The following BIRC6 variants were observed in gnomAD, a reference collection of about 807,000 sequenced individuals.
BIRC6 encodes baculoviral IAP repeat containing 6, also known as dual E2 ubiquitin-conjugating enzyme/E3 ubiquitin-protein ligase BIRC6.
Under a neutral mutation model 503.3 loss-of-function variants are expected in BIRC6, and 98 were observed. The observed-to-expected ratio is 0.19, with a 90% CI of 0.17 to 0.23. The LOEUF is 0.23. Among genes scored for constraint, BIRC6 ranks in the 10% least tolerant of loss-of-function variants. The pLI is 1.00. For missense variants in BIRC6, 5,360 were observed against 5,806.0 expected, an observed-to-expected ratio of 0.92 and a Z score of 2.50; for synonymous variants, 2,240 against 2,078.7, an observed-to-expected ratio of 1.08 and a Z score of -2.11.
chr2:32,485,357 G>T (rs978112044), intron 39 of BIRC6, among the ~76,000 whole-genome samples: 1 of 152,128 alleles, frequency 6.6e-6, no homozygotes, highest in Non-Finnish European at 1.5e-5. Context: ...ACTTTATTCT[G>T]ACAGTGAGAA....
At chr2:32,491,733 C>T (rs2051742056) in intron 44 of BIRC6, among the ~76,000 whole-genome samples, 175 bp downstream of exon 44, 1 of 152,098 alleles carries the variant, frequency 6.6e-6, no homozygotes, top group Non-Finnish European at 1.5e-5. Context: ...TAAATAATAG[C>T]AGGTGGTAAG....
At chr2:32,565,938 T>C (rs1244874317) in intron 65 of BIRC6, 1 of 152,174 alleles carries the variant, frequency 6.6e-6, no homozygotes, top group African/African-American at 2.4e-5. Context: ...GTTCCTCCCA[T>C]GACACATGGG....
intron 32 of BIRC6, 53 bp from the exon 33 acceptor site, chr2:32,473,059 C>T: frequency 2.1e-6 from 3 of 1,462,662 alleles, no homozygotes; most frequent in Non-Finnish European, 2.8e-6. Flanking sequence ...AGGAAAGGTA[C>T]TTTAAAATCA....
Position 32,547,869 on chromosome 2 carries a change from A to G in BIRC6, c.12830A>G (p.His4277Arg). 6.3e-7 allele frequency: 1 copy of G among 1,599,444 alleles called. No homozygotes were observed. Among genetic ancestry groups the G allele is most frequent in the Non-Finnish European group, 8.5e-7 (1 of 1,175,596 alleles). ...NQTEPQVSSS[H>R]NPTSTEEQQL... ...TTTAAGCCACAGGTGTCAAGCTCTC[A>G]TAACCCTACATCAACAGAAGAACAA... is the stretch of plus-strand genomic sequence containing the variant. Residue 4277 changes from histidine to arginine, a missense_variant, in exon 64 of 74, where the codon CAT (histidine) becomes CGT (arginine). This residue lies in a region of BIRC6 where 477 missense variants were observed against 574.4 expected (regional missense o/e 0.83). Coordinates refer to ENST00000421745, the MANE Select transcript of BIRC6 (RefSeq NM_016252.4).
chr2:32,557,610 A>C (rs970975630), intron 65 of BIRC6: 1 of 152,194 alleles, frequency 6.6e-6, no homozygotes, highest in Non-Finnish European at 1.5e-5. Flanking sequence ...TGTATGTCTT[A>C]ATATTCTGGA....
In BIRC6 at chr2:32,482,487, A is replaced by G. The variant is rs1200107139; in HGVS notation, c.7601A>G (p.Asn2534Ser). The stretch of plus-strand genomic sequence containing the variant: ...GCTGATTATGGGACCTACAATTACA[A>G]CCCTTACATTGGAGGTCTGGGAATT... The part of the protein sequence containing the change: ...WGADYGTYNY[N>S]PYIGGLGIPV... The change falls in exon 39 of 74, where the codon AAC becomes AGC. Residue 2534 changes from asparagine (N) to serine (S), a missense_variant. Asn to Ser is a conservative substitution (Grantham distance 46). Around this residue, in one of 16 missense-constraint regions of BIRC6, gnomAD observed 2,299 missense variants for 2,267.2 expected, o/e 1.01. Coordinates refer to ENST00000421745, the MANE Select transcript of BIRC6 (RefSeq NM_016252.4). The G allele has an allele frequency of 1.9e-6, 3 of 1,613,728 alleles. No homozygotes were observed. The highest frequency in any genetic ancestry group is 1.3e-5 in the African/African-American group (1 of 74,918).
At chr2:32,496,603 TTACAG>T (rs1161665398) in intron 45 of BIRC6, among the ~76,000 whole-genome samples, 1 of 152,212 alleles carries the variant, frequency 6.6e-6, no homozygotes, top group Non-Finnish European at 1.5e-5. Flanking sequence ...CTTAGTTCCC[TTACAG>T]TATTTTTTGA....
At chr2:32,476,147 A>C in intron 33 of BIRC6, 66 bp from the exon 34 acceptor site, 1 of 1,213,132 alleles carries the variant, frequency 8.2e-7, no homozygotes, top group Non-Finnish European at 1.1e-6. Context: ...GAATTCTGTG[A>C]GGAGTATAAT....
chr2:32,377,924 T>TA (rs1394424235), intron 2 of BIRC6, among the ~76,000 whole-genome samples, 155 bp downstream of exon 2: 3 of 152,224 alleles, frequency 2.0e-5, no homozygotes, highest in African/African-American at 7.2e-5. Context: ...TAAATATTAA[T>TA]ACTCACCTTT....
At chr2:32,579,076 T>C (rs1357298819) in intron 66 of BIRC6, among the ~76,000 whole-genome samples, 1 of 146,528 alleles carries the variant, frequency 6.8e-6, no homozygotes, top group Non-Finnish European at 1.5e-5. Flanking sequence ...AATATATATA[T>C]ATTAGATAAA....
chr2:32,436,133 C>G lies in BIRC6; in HGVS notation c.3580C>G (p.Leu1194Val), dbSNP rs1483165615. ...AGTATGGCTTGCTAGTGGCCTTGAT[C>G]TATCAGGGCATGCTGGAATGTTGAC... ...GPVWLASGLD[L>V]SGHAGMLTLT... The change falls in exon 15 of 74, where the codon CTA (leucine) becomes GTA (valine). Residue 1194 changes from leucine (L) to valine (V), a missense_variant. Transcript: ENST00000421745. The G allele has an allele frequency of 4.0e-6, 6 of 1,496,830 alleles. No individual in the cohort carries two copies. Among genetic ancestry groups the G allele is most frequent in the Non-Finnish European group, 5.4e-6 (6 of 1,109,562 alleles). 92.7% of individuals were successfully genotyped at this position (1,496,830 alleles called of 1,614,324 possible).
At chr2:32,590,086 C>T (rs1170249924) in intron 66 of BIRC6, among the ~76,000 whole-genome samples, 4 of 152,150 alleles carry the variant, frequency 2.6e-5, no homozygotes, top group Non-Finnish European at 4.4e-5. Context: ...CGGAGATCTT[C>T]GCCCGTTTAC....
intron 66 of BIRC6, among the ~76,000 whole-genome samples, chr2:32,590,540 C>G (rs902573141): frequency 4.6e-5 from 7 of 152,086 alleles, no homozygotes; most frequent in African/African-American, 7.2e-5. Flanking sequence ...TTTAGTCTTA[C>G]TAATACTCAA....
chr2:32,460,779 A>T (rs983385442), intron 23 of BIRC6, among the ~76,000 whole-genome samples: 1 of 151,786 alleles, frequency 6.6e-6, no homozygotes, highest in Non-Finnish European at 1.5e-5. Context: ...TGGGCGTTAG[A>T]TTTTAAAATC....
intron 12 of BIRC6, among the ~76,000 whole-genome samples, chr2:32,432,810 C>T (rs1039340471): frequency 2.7e-5 from 4 of 150,220 alleles, no homozygotes; most frequent in African/African-American, 9.8e-5. Context: ...AAAGTGTTAG[C>T]AGGTTTGAAT....
chr2:32,432,746 T>A (rs1466843892), intron 12 of BIRC6, among the ~76,000 whole-genome samples: 2 of 144,780 alleles, frequency 1.4e-5, no homozygotes, highest in African/African-American at 2.6e-5. Flanking sequence ...GGTGACAGAG[T>A]GAGACCCCAT....
At chr2:32,531,151 TA>T (rs895055900) in intron 60 of BIRC6, among the ~76,000 whole-genome samples, 4 of 152,112 alleles carry the variant, frequency 2.6e-5, no homozygotes, top group African/African-American at 9.7e-5. Context: ...ATTCTTCCAA[TA>T]ACAAGACTAA....
At chr2:32,450,907 G>C (rs908976227) in intron 22 of BIRC6, among the ~76,000 whole-genome samples, 4 of 152,118 alleles carry the variant, frequency 2.6e-5, no homozygotes, top group Non-Finnish European at 4.4e-5. Flanking sequence ...AGAAAAAAAG[G>C]CTGTAACAGA....
chr2:32,380,331 A>C (rs1211874323), intron 3 of BIRC6, 41 bp downstream of exon 3: 1 of 1,553,174 alleles, frequency 6.4e-7, no homozygotes, highest in Non-Finnish European at 8.6e-7. Flanking sequence ...GTTATATTAC[A>C]ATGGACACCT....
Sources: allele counts gnomAD v4.1 joint callset (sites outside exome capture counted in the v4.1 genomes callset), GRCh38; gene constraint gnomAD v4.1.1; regional missense constraint gnomAD v4.1.1; transcripts MANE v1.5; gene names NCBI Gene and HGNC (gene_info 2026-07-23, HGNC 2026-07-21).